Variants in SCAND1 observed in about 807,000 individuals in gnomAD.
SCAND1 encodes SCAN domain-containing protein 1.
A neutral mutation model predicts 3.4 loss-of-function variants in SCAND1; 3 were observed. The ratio of observed to expected loss-of-function variants is 0.87; its 90% CI spans 0.40 to 2.25. The LOEUF (loss-of-function observed/expected upper bound fraction) is 2.25, where lower values mean the gene tolerates loss of function less well. Ranked by LOEUF, SCAND1 falls within the 30% of genes most tolerant of loss-of-function variation. SCAND1 has a pLI of 0.05. For missense variants in SCAND1, 303 were observed against 258.8 expected (o/e 1.17, Z -1.17); for synonymous variants, 152 against 120.5 (o/e 1.26, Z -1.72).
upstream of SCAND1, chr20:35,954,629 C>T: frequency 7.6e-7 from 1 of 1,321,564 alleles, no homozygotes; most frequent in South Asian, 1.4e-5. Flanking sequence ...TGCGCGTGGC[C>T]TGGGCTCCTT....
chr20:35,953,917 C>T lies in SCAND1; in HGVS notation c.368G>A (p.Arg123Gln). ...CTCCCGCAGCTGCCGGAAAGCCTCC[C>T]GGGGACCCGCCGCATCCTGGTAGCG... ...QFRYQDAAGPREAFRQLRELS... is the reference protein window; with the variant it reads ...QFRYQDAAGPQEAFRQLRELS... The change falls in exon 2 of 2, where the codon CGG (arginine) becomes CAG (glutamine). Residue 123 changes from arginine (R) to glutamine (Q), a missense_variant. Physicochemically the swap from Arg to Gln is conservative, Grantham distance 43 (BLOSUM62 1). Coordinates refer to ENST00000305978, the MANE Select transcript of SCAND1 (RefSeq NM_033630.3). 6.5e-7 allele frequency: 1 copy of T among 1,548,906 alleles called. No individual in the cohort carries two copies. Among genetic ancestry groups the T allele is most frequent in the Non-Finnish European group, 8.7e-7 (1 of 1,149,122 alleles).
At position 35,953,792 on chromosome 20, in the gene SCAND1, G is replaced by T; in HGVS notation, c.493C>A (p.Arg165=). 6.6e-7 allele frequency: 1 copy of T among 1,512,842 alleles called. No individual in the cohort carries two copies. The allele number at this position is 1,512,842 out of a possible 1,614,324, so 93.7% of individuals were successfully genotyped here. ...GTGCGGCGGCGGATCCGCCGGGCCC[G>T]AGCCGCCTCGGGCAGGATGGCGAGC... ...QLLAILPEAA[R]ARRIRRRTDV... is the part of the protein sequence containing the mutation. The change falls in exon 2 of 2, where the codon CGG becomes AGG. Residue 165 remains arginine, a synonymous_variant. Coordinates refer to ENST00000305978, the MANE Select transcript of SCAND1 (RefSeq NM_033630.3).
upstream of SCAND1, chr20:35,954,524 C>A: frequency 1.3e-6 from 2 of 1,524,418 alleles, no homozygotes; most frequent in South Asian, 1.2e-5. Context: ...CGCGCGAGCA[C>A]CCGGAAGCCG....
upstream of SCAND1, among the ~76,000 whole-genome samples, chr20:35,956,533 C>G (rs1254919089): frequency 6.6e-6 from 1 of 152,144 alleles, no homozygotes; most frequent in African/African-American, 2.4e-5. Flanking sequence ...TACTGTTGCT[C>G]TCAGGTTGTT....
In SCAND1 at chr20:35,954,094, G is replaced by C; in HGVS notation, c.191C>G (p.Pro64Arg). Residue 64 changes from proline (P) to arginine (R), a missense_variant, in exon 2 of 2, where the codon CCC becomes CGC. Transcript: ENST00000305978. ...CAGGGCCGCGGAGGCCGCAGCTCGG[G>C]GCGTAGGGATGGCTTCAGGGACCGC... ...NAAVPEAIPT[P>R]RAAASAALEL... 1.3e-6 allele frequency: 2 copies of C among 1,538,372 alleles called. No homozygotes were observed. The highest frequency in any genetic ancestry group is 1.8e-6 in the Non-Finnish European group (2 of 1,138,608).
rs759078869 is a variant in SCAND1, at chr20:35,953,742, C to G, written c.*3G>C. The stretch of plus-strand genomic sequence containing the variant: ...CGGCCCTGGCCGCCCGCAGCTCCAC[C>G]GCTCAGCCAGTGATGCGCACATCCG... On this transcript the variant is annotated 3_prime_UTR_variant, in exon 2 of 2. Transcript: ENST00000305978. 3 of 1,430,300 alleles carry G rather than the reference C, an allele frequency of 2.1e-6. No homozygotes were observed. The highest frequency in any genetic ancestry group is 2.7e-6 in the Non-Finnish European group (3 of 1,096,490). 88.6% of individuals were successfully genotyped at this position (1,430,300 alleles called of 1,614,324 possible). A position where few individuals can be genotyped will look rare whatever the true frequency, so the allele number is the denominator to read the frequency against.
At chr20:35,957,157 A>G (rs529192759), upstream of SCAND1, among the ~76,000 whole-genome samples, 14 of 152,338 alleles carry the variant, frequency 9.2e-5, no homozygotes, top group African/African-American at 1.7e-4. Context: ...GAGATCTATT[A>G]GAATCATTGA....
At chr20:35,955,894 T>C (rs959037944), upstream of SCAND1, among the ~76,000 whole-genome samples, 1 of 152,196 alleles carries the variant, frequency 6.6e-6, no homozygotes, top group Non-Finnish European at 1.5e-5. Flanking sequence ...TAATATTTTA[T>C]ATTTTTGGTA....
At chr20:35,954,519 G>T, upstream of SCAND1, 2 of 1,528,030 alleles carry the variant, frequency 1.3e-6, no homozygotes, top group Non-Finnish European at 1.8e-6. Context: ...GTCGGCGCGC[G>T]AGCACCCGGA....
At position 35,954,047 on chromosome 20, in the gene SCAND1, G is replaced by A. The variant is rs764243178; in HGVS notation, c.238C>T (p.Pro80Ser). Residue 80 changes from proline to serine, a missense_variant, in exon 2 of 2, where the codon CCC (proline) becomes TCC (serine). Pro to Ser is a moderately conservative substitution (Grantham distance 74). Transcript: ENST00000305978. ...TCGGCCTGAGGCGCTACGCTCACGG[G>A]TGCGGGCCCGAGAGGCAGCTCCAGG... ...AALELPLGPA[P>S]VSVAPQAEAE... The A allele has an allele frequency of 3.2e-6, 5 of 1,541,230 alleles. No homozygotes were observed. The highest frequency in any genetic ancestry group is 1.7e-4 in the Middle Eastern group (1 of 5,978).
upstream of SCAND1, among the ~76,000 whole-genome samples, chr20:35,958,380 T>C (rs373452693): frequency 2.6e-5 from 4 of 152,172 alleles, no homozygotes; most frequent in African/African-American, 9.7e-5. Flanking sequence ...TGCAGTGAGC[T>C]GAGATCGTGC....
In SCAND1 at chr20:35,953,717, C is replaced by G. The variant is rs1216506843; in HGVS notation, c.*28G>C. 3.6e-6 allele frequency: 5 copies of G among 1,391,672 alleles called. No individual in the cohort carries two copies. The highest frequency in any genetic ancestry group is 4.7e-6 in the Non-Finnish European group (5 of 1,071,416). The allele number at this position is 1,391,672 out of a possible 1,614,324, so 86.2% of individuals were successfully genotyped here. On this transcript the variant is annotated 3_prime_UTR_variant, in exon 2 of 2. Transcript: ENST00000305978. The stretch of plus-strand genomic sequence containing the variant: ...ATGGCCCCAGTCCGCACAGAGCGCC[C>G]GGCCCTGGCCGCCCGCAGCTCCACC...
Position 35,953,918 on chromosome 20 carries a change from G to C in SCAND1, c.367C>G (p.Arg123Gly). Residue 123 changes from arginine (R) to glycine (G), a missense_variant, in exon 2 of 2, where the codon CGG (arginine) becomes GGG (glycine). Physicochemically the swap from Arg to Gly is moderately radical, Grantham distance 125. Transcript: ENST00000305978. ...QFRYQDAAGP[R>G]EAFRQLRELS... ...TCCCGCAGCTGCCGGAAAGCCTCCC[G>C]GGGACCCGCCGCATCCTGGTAGCGG... 2 of 1,556,642 alleles carry C rather than the reference G, an allele frequency of 1.3e-6. No individual in the cohort carries two copies. The highest frequency in any genetic ancestry group is 1.2e-5 in the South Asian group (1 of 86,106).
At chr20:35,956,452 A>G (rs576500828), upstream of SCAND1, among the ~76,000 whole-genome samples, 57 of 152,310 alleles carry the variant, frequency 3.7e-4, no homozygotes, top group African/African-American at 1.3e-3. Context: ...TTTAGACAAG[A>G]TACTCTGTCC....
chr20:35,954,178 A>G lies in SCAND1; in HGVS notation c.107T>C (p.Val36Ala), dbSNP rs1296983227. 2 of 1,610,120 alleles carry G rather than the reference A, an allele frequency of 1.2e-6. No homozygotes were observed. Among genetic ancestry groups the G allele is most frequent in the South Asian group, 2.2e-5 (2 of 90,650 alleles). Residue 36 changes from valine to alanine, a missense_variant, in exon 2 of 2, where the codon GTG becomes GCG. By Grantham distance (64) the Val-to-Ala change is moderately conservative. Coordinates refer to ENST00000305978, the MANE Select transcript of SCAND1 (RefSeq NM_033630.3). ...TGAGGCCTCTGGCAGCGAGGAGCCC[A>G]CACAGTTACGCTCAGGGGCTGAGCT... ...GSSSAPERNCVGSSLPEASPP... is the reference protein window; with the variant it reads ...GSSSAPERNCAGSSLPEASPP...
At chr20:35,957,929 A>G (rs1471499049), upstream of SCAND1, among the ~76,000 whole-genome samples, 1 of 152,160 alleles carries the variant, frequency 6.6e-6, no homozygotes, top group Non-Finnish European at 1.5e-5. Context: ...CCTGACTCCT[A>G]GGTAGCTTCA....
Position 35,953,984 on chromosome 20 carries a change from T to C in SCAND1, c.301A>G (p.Arg101Gly). The C allele has an allele frequency of 6.4e-7, 1 of 1,554,842 alleles. No individual in the cohort carries two copies. Among genetic ancestry groups the C allele is most frequent in the Non-Finnish European group, 8.7e-7 (1 of 1,150,122 alleles). ...ARSTPGPAGS[R>G]LGPETFRQRF... ...TGGCGGAACGTCTCGGGACCGAGTC[T>C]AGAGCCGGCGGGGCCTGGTGTGGAG... Residue 101 changes from arginine (R) to glycine (G), a missense_variant, in exon 2 of 2, where the codon AGA becomes GGA. By Grantham distance (125) the Arg-to-Gly change is moderately radical. Coordinates refer to ENST00000305978, the MANE Select transcript of SCAND1 (RefSeq NM_033630.3).
upstream of SCAND1, chr20:35,955,180 C>CAGG (rs1341120049): frequency 3.7e-5 from 6 of 163,962 alleles, no homozygotes; most frequent in African/African-American, 1.4e-4. Context: ...TGAGTTGACT[C>CAGG]AGCTCTTGCA....
chr20:35,958,160 T>C (rs1438383599), upstream of SCAND1, among the ~76,000 whole-genome samples: 1 of 152,118 alleles, frequency 6.6e-6, no homozygotes, highest in Non-Finnish European at 1.5e-5. Context: ...TGGCCAAGCA[T>C]GGTGGCTCAT....
Sources: allele counts gnomAD v4.1 joint callset (sites outside exome capture counted in the v4.1 genomes callset), GRCh38; gene constraint gnomAD v4.1.1; transcripts MANE v1.5; gene names NCBI Gene and HGNC (gene_info 2026-07-23, HGNC 2026-07-21).